Variants in CENPF observed in about 807,000 individuals in gnomAD.
The protein encoded by CENPF is AH antigen.
A neutral mutation model predicts 307.3 loss-of-function variants in CENPF; 214 were observed. The observed-to-expected ratio is 0.70, with a 90% CI of 0.62 to 0.78. The LOEUF is 0.78. CENPF is among the 30% of genes least tolerant of loss of function. CENPF has a pLI of 0.00. For missense variants in CENPF, 3,401 were observed against 3,483.9 expected (o/e 0.98, Z 0.60); for synonymous variants, 1,259 against 1,270.6 (o/e 0.99, Z 0.19).
At chr1:214,650,323 T>C (rs1571723488) in intron 14 of CENPF, among the ~76,000 whole-genome samples, 1 of 122,440 alleles carries the variant, frequency 8.2e-6, no homozygotes. Flanking sequence ...GAAAATGACA[T>C]GCACAAAGAT....
At position 214,607,228 on chromosome 1, in the gene CENPF, C is replaced by T. The variant is rs534889046; in HGVS notation, c.-42+3907C>T. Among the ~76,000 whole-genome samples, 5 of 152,304 alleles carry T rather than the reference C, an allele frequency of 3.3e-5. No individual in the cohort carries two copies. The East Asian group carries it at 7.7e-4, about 24-fold the overall frequency. ...TGCCACCTGGATGTCACCACTCAAA[C>T]GAACAGGACACATCCCCAGTGGAGG... On this transcript the variant is annotated intron_variant, in intron 1 of 19. Transcript: ENST00000366955.
intron 1 of CENPF, chr1:214,608,585 T>G: frequency 3.1e-6 from 5 of 1,609,700 alleles, no homozygotes; most frequent in Non-Finnish European, 4.2e-6. Context: ...AAGACCTCAA[T>G]GGTGTCCAGC....
At chr1:214,609,139 G>T (rs552680755) in intron 1 of CENPF, among the ~76,000 whole-genome samples, 6 of 151,278 alleles carry the variant, frequency 4.0e-5, no homozygotes, top group African/African-American at 1.4e-4. Context: ...CCGCCTGCCC[G>T]TGCGTCCGTC....
chr1:214,603,798 C>T (rs1406005464), intron 1 of CENPF: 3 of 151,314 alleles, frequency 2.0e-5, no homozygotes, highest in Admixed American at 6.6e-5. Context: ...ATTTCTCTTT[C>T]CCCTCTCTTC....
Position 214,620,855 on chromosome 1 carries a change from T to C in CENPF, c.774T>C (p.Thr258=). The change falls in exon 6 of 20, where the codon ACT becomes ACC. Residue 258 remains threonine, a synonymous_variant. Coordinates refer to ENST00000366955, the MANE Select transcript of CENPF (RefSeq NM_016343.4). ...GEQEVTPSRS[T]LQIGKRDANS... is the part of the protein sequence containing the mutation. Reference sequence around the variant, plus strand: ...AAGAGGTGACTCCAAGTCGATCAACTTTGCAAATAGGGAAAAGAGATGCTA... The same window carrying C: ...AAGAGGTGACTCCAAGTCGATCAACCTTGCAAATAGGGAAAAGAGATGCTA... 6.2e-7 allele frequency: 1 copy of C among 1,614,164 alleles called. No individual in the cohort carries two copies. Among genetic ancestry groups the C allele is most frequent in the Non-Finnish European group, 8.5e-7 (1 of 1,180,018 alleles).
chr1:214,655,055 GTCAGTT>G (rs2102416636), intron 16 of CENPF, 180 bp from the exon 17 acceptor site: 1 of 389,918 alleles, frequency 2.6e-6, no homozygotes, highest in East Asian at 4.2e-5. Flanking sequence ...AAACCACATT[GTCAGTT>G]GGGGGGACTT....
intron 11 of CENPF, 78 bp downstream of exon 11, chr1:214,638,079 T>C: frequency 7.2e-7 from 1 of 1,382,354 alleles, no homozygotes; most frequent in Non-Finnish European, 9.7e-7. Flanking sequence ...ATTAACATAT[T>C]AGAGAAACTC....
At position 214,657,285 on chromosome 1, in the gene CENPF, A is replaced by C. The variant is rs764039891; in HGVS notation, c.8838A>C (p.Thr2946=). The C allele has an allele frequency of 6.2e-7, 1 of 1,614,026 alleles. No individual in the cohort carries two copies. The highest frequency in any genetic ancestry group is 8.5e-7 in the Non-Finnish European group (1 of 1,180,008). ...TATGGGAGAATGGTAGAGGACCAACACCTGCTACCCCAGAGAGCTTTTCTA... is the reference window on the plus strand; with the variant it reads ...TATGGGAGAATGGTAGAGGACCAACCCCTGCTACCCCAGAGAGCTTTTCTA... ...SGIWENGRGP[T]PATPESFSKK... The change falls in exon 18 of 20, where the codon ACA becomes ACC. Residue 2946 remains threonine, a synonymous_variant. Coordinates refer to ENST00000366955, the MANE Select transcript of CENPF (RefSeq NM_016343.4).
intron 3 of CENPF, among the ~76,000 whole-genome samples, chr1:214,615,554 T>A (rs913352640): frequency 6.6e-6 from 1 of 152,180 alleles, no homozygotes; most frequent in African/African-American, 2.4e-5. Context: ...TAGGGAATTA[T>A]AAAAGGACGG....
In CENPF at chr1:214,646,218, A is replaced by G. The variant is rs532759876; in HGVS notation, c.6648A>G (p.Thr2216=). The part of the protein sequence containing the change: ...VTLRSEKENL[T]KQIQEKQGQL... ...TAAGGTCTGAAAAAGAAAATCTGAC[A>G]AAACAAATACAAGAAAAACAAGGTC... The change falls in exon 13 of 20, where the codon ACA becomes ACG. Residue 2216 remains threonine (T), a synonymous_variant. Transcript: ENST00000366955. 11 of 1,613,324 alleles carry G rather than the reference A, an allele frequency of 6.8e-6. No individual in the cohort carries two copies. The East Asian group carries it at 2.0e-4, about 29-fold the overall frequency.
intron 9 of CENPF, among the ~76,000 whole-genome samples, chr1:214,631,280 T>G (rs1657800761): frequency 6.6e-6 from 1 of 150,632 alleles, no homozygotes; most frequent in South Asian, 2.1e-4. Flanking sequence ...GTCACTTCTA[T>G]TCTTCTTTTT....
chr1:214,605,808 A>G (rs1415753019), intron 1 of CENPF: 2 of 1,591,468 alleles, frequency 1.3e-6, no homozygotes, highest in Admixed American at 1.7e-5. Context: ...CAGCGCTCGT[A>G]GAGCGCCAGC....
chr1:214,660,552 A>G (rs568708360), intron 19 of CENPF, among the ~76,000 whole-genome samples: 36 of 152,328 alleles, frequency 2.4e-4, no homozygotes, highest in African/African-American at 8.2e-4. Context: ...GCTGTCAACT[A>G]CAAGATATCC....
intron 3 of CENPF, among the ~76,000 whole-genome samples, chr1:214,616,327 C>T (rs994679112): frequency 1.3e-5 from 2 of 152,146 alleles, no homozygotes; most frequent in African/African-American, 4.8e-5. Context: ...AAAAGAAACA[C>T]TGGTTTTGCA....
In CENPF at chr1:214,646,953, A is replaced by G; in HGVS notation, c.7383A>G (p.Gln2461=). The change falls in exon 13 of 20, where the codon CAA becomes CAG. Residue 2461 remains glutamine (Q), a synonymous_variant. Coordinates refer to ENST00000366955, the MANE Select transcript of CENPF (RefSeq NM_016343.4). ...NERVAALHND[Q]EACKAKEQNL... The stretch of plus-strand genomic sequence containing the variant: ...GAGTGGCAGCCCTGCATAATGACCA[A>G]GAAGCCTGTAAGGCCAAAGAGCAGA... 6.2e-7 allele frequency: 1 copy of G among 1,614,108 alleles called. No homozygotes were observed. The highest frequency in any genetic ancestry group is 8.5e-7 in the Non-Finnish European group (1 of 1,179,976).
chr1:214,651,757 C>A lies in CENPF; in HGVS notation c.8031C>A (p.Ser2677Arg), dbSNP rs1309821648. Reference protein sequence around the residue: ...LTLENSELKKSLDCMHKDQVE... With the variant: ...LTLENSELKKRLDCMHKDQVE... ...TAGAAAATAGTGAATTGAAGAAGAG[C>A]CTAGATTGCATGCACAAAGACCAGG... The change falls in exon 15 of 20, where the codon AGC (serine) becomes AGA (arginine). Residue 2677 changes from serine to arginine, a missense_variant. Physicochemically the swap from Ser to Arg is moderately radical, Grantham distance 110 (BLOSUM62 -1). Coordinates refer to ENST00000366955, the MANE Select transcript of CENPF (RefSeq NM_016343.4). 4 of 1,610,998 alleles carry A rather than the reference C, an allele frequency of 2.5e-6. No homozygotes were observed. The highest frequency in any genetic ancestry group is 3.4e-6 in the Non-Finnish European group (4 of 1,178,978).
intron 6 of CENPF, 120 bp from the exon 7 acceptor site, chr1:214,621,959 A>G (rs770960124): frequency 1.3e-5 from 10 of 756,538 alleles, no homozygotes; most frequent in African/African-American, 5.3e-5. Context: ...TAGCTTCTGT[A>G]TTTAGTGTAA....
In CENPF at chr1:214,651,846, A is replaced by C; in HGVS notation, c.8120A>C (p.Glu2707Ala). 6.2e-7 allele frequency: 1 copy of C among 1,609,966 alleles called. No individual in the cohort carries two copies. Among genetic ancestry groups the C allele is most frequent in the Non-Finnish European group, 8.5e-7 (1 of 1,178,988 alleles). Residue 2707 changes from glutamate (E) to alanine (A), a missense_variant, in exon 15 of 20, where the codon GAA becomes GCA. Physicochemically the swap from Glu to Ala is moderately radical, Grantham distance 107. Coordinates refer to ENST00000366955, the MANE Select transcript of CENPF (RefSeq NM_016343.4). ...AEYQLRLHEA[E>A]KKHQALLLDT... ...TATCAGCTACGGCTTCATGAAGCTGAAAAGAAACACCAGGCTTTGCTTTTG... is the reference window on the plus strand; with the variant it reads ...TATCAGCTACGGCTTCATGAAGCTGCAAAGAAACACCAGGCTTTGCTTTTG...
At position 214,613,788 on chromosome 1, in the gene CENPF, C is replaced by T. The variant is rs1347406229; in HGVS notation, c.34C>T (p.Leu12=). Residue 12 remains leucine, a synonymous_variant, in exon 2 of 20, where the codon CTG becomes TTG. Coordinates refer to ENST00000366955, the MANE Select transcript of CENPF (RefSeq NM_016343.4). ...GGCTTTGGAAGAATGGAAAGAAGGG[C>T]TGCCTACAAGAGCTCTTCAGAAAAT... is the stretch of plus-strand genomic sequence containing the variant. The part of the protein sequence containing the change: ...SWALEEWKEG[L]PTRALQKIQE... 4.4e-6 allele frequency: 7 copies of T among 1,608,926 alleles called. No homozygotes were observed. The highest frequency in any genetic ancestry group is 4.2e-6 in the Non-Finnish European group (5 of 1,178,132).
Sources: allele counts gnomAD v4.1 joint callset (sites outside exome capture counted in the v4.1 genomes callset), GRCh38; gene constraint gnomAD v4.1.1; transcripts MANE v1.5; gene names NCBI Gene and HGNC (gene_info 2026-07-23, HGNC 2026-07-21).